Variants in DENND1B observed in about 807,000 individuals in gnomAD.
The protein encoded by DENND1B is DENN domain containing 1B.
Under a neutral mutation model 90.1 loss-of-function variants are expected in DENND1B, and 59 were observed. That is an observed-to-expected ratio of 0.65 (90% confidence interval 0.53 to 0.81). DENND1B has a LOEUF of 0.81. Among genes scored for constraint, DENND1B ranks in the 40% least tolerant of loss-of-function variants. DENND1B has a pLI of 0.00. For synonymous variants in DENND1B, 337 were observed against 324.6 expected (o/e 1.04, Z -0.41); for missense variants, 862 against 912.6 (o/e 0.94, Z 0.71).
At chr1:197,699,053 T>G (rs1026351842) in intron 3 of DENND1B, among the ~76,000 whole-genome samples, 2 of 152,132 alleles carry the variant, frequency 1.3e-5, no homozygotes, top group Non-Finnish European at 2.9e-5. Context: ...CCTCCCTAAC[T>G]CATTTAATGA....
chr1:197,633,034 T>G (rs558111409), intron 10 of DENND1B, among the ~76,000 whole-genome samples: 16 of 152,282 alleles, frequency 1.1e-4, no homozygotes, highest in Non-Finnish European at 1.8e-4. Flanking sequence ...TCTTTGAGAA[T>G]GGGACATTTT....
chr1:197,747,870 T>G (rs1195645630), intron 2 of DENND1B, among the ~76,000 whole-genome samples: 1 of 152,206 alleles, frequency 6.6e-6, no homozygotes, highest in Non-Finnish European at 1.5e-5. Flanking sequence ...TGACACAAAT[T>G]ATTGATGCTC....
intron 3 of DENND1B, among the ~76,000 whole-genome samples, chr1:197,680,693 A>G (rs1379575363): frequency 6.6e-6 from 1 of 152,186 alleles, no homozygotes; most frequent in Non-Finnish European, 1.5e-5. Context: ...GATTTAAAAA[A>G]GAAAATAGAT....
chr1:197,756,333 G>GGGA (rs1422157854), intron 2 of DENND1B, among the ~76,000 whole-genome samples: 1 of 152,146 alleles, frequency 6.6e-6, no homozygotes. Context: ...CCAGCAGTCT[G>GGGA]GGAGGAGGAG....
intron 10 of DENND1B, among the ~76,000 whole-genome samples, chr1:197,632,072 A>G (rs543002163): frequency 5.1e-4 from 77 of 152,234 alleles, no homozygotes; most frequent in African/African-American, 1.6e-3. Context: ...TCACTGTTCT[A>G]GTTCAGGAGC....
At chr1:197,664,345 A>G (rs971999011) in intron 5 of DENND1B, among the ~76,000 whole-genome samples, 14 of 152,132 alleles carry the variant, frequency 9.2e-5, no homozygotes, top group Admixed American at 6.6e-5. Context: ...TGAACAAAGA[A>G]TAACTGTGAC....
chr1:197,744,219 G>C (rs1179883044), intron 2 of DENND1B, among the ~76,000 whole-genome samples: 1 of 152,162 alleles, frequency 6.6e-6, no homozygotes, highest in African/African-American at 2.4e-5. Context: ...ATGACATCTA[G>C]AATGGTGAAT....
chr1:197,673,352 G>A (rs1655722853), intron 4 of DENND1B, among the ~76,000 whole-genome samples: 1 of 151,920 alleles, frequency 6.6e-6, no homozygotes. Flanking sequence ...TATTAGTACT[G>A]ATTAGTCCAT....
At chr1:197,776,199 C>T (rs1352135402), upstream of DENND1B, among the ~76,000 whole-genome samples, 1 of 152,152 alleles carries the variant, frequency 6.6e-6, no homozygotes, top group Non-Finnish European at 1.5e-5. Context: ...CCCTAAAGCA[C>T]ATGTGAAGCA....
At chr1:197,610,429 T>C (rs1677076578) in intron 12 of DENND1B, among the ~76,000 whole-genome samples, 1 of 147,374 alleles carries the variant, frequency 6.8e-6, no homozygotes, top group Admixed American at 6.9e-5. Flanking sequence ...ATCATTTGCT[T>C]TAAAAGTTGA....
At chr1:197,748,955 G>C (rs1273907262) in intron 2 of DENND1B, among the ~76,000 whole-genome samples, 1 of 152,022 alleles carries the variant, frequency 6.6e-6, no homozygotes, top group African/African-American at 2.4e-5. Flanking sequence ...CTATTAAAAA[G>C]ATTCAAAACG....
At chr1:197,756,846 T>G (rs983710400) in intron 2 of DENND1B, among the ~76,000 whole-genome samples, 2 of 151,464 alleles carry the variant, frequency 1.3e-5, no homozygotes, top group Non-Finnish European at 2.9e-5. Flanking sequence ...GGGAAAGAAA[T>G]ATTTGCATAA....
chr1:197,596,418 T>G (rs912805565), intron 13 of DENND1B, among the ~76,000 whole-genome samples: 2 of 152,002 alleles, frequency 1.3e-5, no homozygotes, highest in African/African-American at 4.8e-5. Context: ...GGTTCTCATA[T>G]ATATTCATCA....
chr1:197,573,801 G>T (rs546022410), intron 15 of DENND1B, among the ~76,000 whole-genome samples: 3 of 152,158 alleles, frequency 2.0e-5, no homozygotes, highest in Non-Finnish European at 2.9e-5. Context: ...TTTAATATAC[G>T]CAAATCAATA....
chr1:197,717,454 G>A (rs577398484), intron 2 of DENND1B, among the ~76,000 whole-genome samples: 34 of 151,638 alleles, frequency 2.2e-4, no homozygotes, highest in Non-Finnish European at 2.9e-4. Flanking sequence ...ACTCCATATC[G>A]TAATTAAAGA....
chr1:197,707,649 ATATAT>A (rs888877937), intron 3 of DENND1B, among the ~76,000 whole-genome samples: 4 of 146,892 alleles, frequency 2.7e-5, no homozygotes, highest in African/African-American at 5.0e-5. Context: ...TATAATATAC[ATATAT>A]TATATACATA....
At chr1:197,728,972 C>T (rs1661901808) in intron 2 of DENND1B, among the ~76,000 whole-genome samples, 1 of 152,098 alleles carries the variant, frequency 6.6e-6, no homozygotes, top group South Asian at 2.1e-4. Context: ...ATCCCAGTGT[C>T]TTTTCACATA....
At chr1:197,635,869 C>T (rs1397370784) in intron 10 of DENND1B, among the ~76,000 whole-genome samples, 3 of 151,672 alleles carry the variant, frequency 2.0e-5, no homozygotes, top group Non-Finnish European at 4.4e-5. Context: ...GCAAAAAGTG[C>T]AATTTCATCC....
intron 3 of DENND1B, among the ~76,000 whole-genome samples, chr1:197,682,972 T>C (rs1435071397): frequency 6.6e-6 from 1 of 152,138 alleles, no homozygotes; most frequent in Non-Finnish European, 1.5e-5. Context: ...TAGCATTCTC[T>C]TTTACTTTCA....
Sources: allele counts gnomAD v4.1 joint callset (sites outside exome capture counted in the v4.1 genomes callset), GRCh38; gene constraint gnomAD v4.1.1; transcripts MANE v1.5; gene names NCBI Gene and HGNC (gene_info 2026-07-23, HGNC 2026-07-21).